Variants in KCNK9 observed in about 807,000 individuals in gnomAD.
KCNK9 encodes the protein potassium two pore domain channel subfamily K member 9, also known as potassium channel subfamily K member 9.
In KCNK9, 1 loss-of-function variant was observed where a neutral mutation model predicts 10.8. The observed-to-expected ratio is 0.09, with a 90% confidence interval of 0.03 to 0.44. The LOEUF is 0.44. KCNK9 is among the 20% of genes least tolerant of loss of function. The pLI is 0.97. For synonymous variants in KCNK9, 231 were observed against 222.7 expected (o/e 1.04, Z -0.33); for missense variants, 303 against 515.0 (o/e 0.59, Z 3.98).
intron 1 of KCNK9, among the ~76,000 whole-genome samples, chr8:139,686,031 C>G (rs535514632): frequency 6.6e-6 from 1 of 152,222 alleles, no homozygotes; most frequent in South Asian, 2.1e-4. Flanking sequence ...CTCTGATGAC[C>G]AGTATTGATG....
At chr8:139,689,713 AC>A (rs1004688403) in intron 1 of KCNK9, among the ~76,000 whole-genome samples, 5 of 146,898 alleles carry the variant, frequency 3.4e-5, no homozygotes, top group African/African-American at 7.6e-5. Context: ...CGTGATCTCG[AC>A]TCACTGCAAG....
intron 1 of KCNK9, among the ~76,000 whole-genome samples, chr8:139,699,094 G>A (rs1409827547): frequency 3.3e-5 from 5 of 152,140 alleles, no homozygotes; most frequent in African/African-American, 9.7e-5. Context: ...ACCTAAGCCC[G>A]ATTTCAAATT....
chr8:139,681,055 C>T (rs988228625), intron 1 of KCNK9, among the ~76,000 whole-genome samples: 2 of 152,232 alleles, frequency 1.3e-5, no homozygotes, highest in African/African-American at 2.4e-5. Flanking sequence ...AGCACAGCAT[C>T]TAGCATGGCA....
chr8:139,639,446 T>C (rs1044167382), intron 1 of KCNK9, among the ~76,000 whole-genome samples: 27 of 152,134 alleles, frequency 1.8e-4, no homozygotes, highest in African/African-American at 6.5e-4. Context: ...GGTAGCTCTC[T>C]CCCTTCTCTG....
At chr8:139,700,870 C>T (rs1817202528) in intron 1 of KCNK9, among the ~76,000 whole-genome samples, 1 of 152,156 alleles carries the variant, frequency 6.6e-6, no homozygotes, top group Non-Finnish European at 1.5e-5. Context: ...TCAGAGTTTG[C>T]TTTTAACACC....
intron 1 of KCNK9, among the ~76,000 whole-genome samples, chr8:139,670,050 G>A (rs1816392424): frequency 6.6e-6 from 1 of 152,170 alleles, no homozygotes; most frequent in South Asian, 2.1e-4. Context: ...TCAATATTGG[G>A]CTTAAAATAT....
At chr8:139,678,078 G>A (rs1816604570) in intron 1 of KCNK9, among the ~76,000 whole-genome samples, 1 of 149,416 alleles carries the variant, frequency 6.7e-6, no homozygotes, top group Non-Finnish European at 1.5e-5. Flanking sequence ...ACTGCAGCTG[G>A]CAGACTTCTG....
downstream of KCNK9, among the ~76,000 whole-genome samples, chr8:139,610,367 T>G (rs1029632524): frequency 6.6e-6 from 1 of 152,200 alleles, no homozygotes; most frequent in Non-Finnish European, 1.5e-5. Flanking sequence ...AAGATCACTG[T>G]TTTTCATGAA....
chr8:139,701,549 A>G (rs1351156099), intron 1 of KCNK9, among the ~76,000 whole-genome samples: 1 of 151,952 alleles, frequency 6.6e-6, no homozygotes, highest in African/African-American at 2.4e-5. Context: ...GGGAGGGGGG[A>G]AGGAGGAGGT....
At chr8:139,645,955 C>G (rs984939434) in intron 1 of KCNK9, among the ~76,000 whole-genome samples, 1 of 152,140 alleles carries the variant, frequency 6.6e-6, no homozygotes, top group Non-Finnish European at 1.5e-5. Flanking sequence ...CCTCCTTAGC[C>G]CAGTGCCCCA....
chr8:139,674,844 T>C (rs1220675396), intron 1 of KCNK9, among the ~76,000 whole-genome samples: 2 of 152,136 alleles, frequency 1.3e-5, no homozygotes, highest in African/African-American at 4.8e-5. Flanking sequence ...AGCACTTCCC[T>C]GAAAGCCACA....
At chr8:139,628,925 G>A (rs1815071885) in intron 1 of KCNK9, among the ~76,000 whole-genome samples, 1 of 152,154 alleles carries the variant, frequency 6.6e-6, no homozygotes, top group African/African-American at 2.4e-5. Context: ...CCGTTGCCTG[G>A]CCCAGGGTTG....
At chr8:139,605,858 A>G (rs530621811) in intron 2 of KCNK9, among the ~76,000 whole-genome samples, 1 of 152,340 alleles carries the variant, frequency 6.6e-6, no homozygotes, top group African/African-American at 2.4e-5. Flanking sequence ...TTTCTTTAAA[A>G]TATTAGGTAA....
downstream of KCNK9, among the ~76,000 whole-genome samples, chr8:139,613,989 G>A (rs1236384867): frequency 2.0e-5 from 3 of 152,268 alleles, no homozygotes; most frequent in East Asian, 3.9e-4. Context: ...CCTGTCATTT[G>A]AAAAAGAATA....
At chr8:139,688,198 A>G (rs1433916594) in intron 1 of KCNK9, among the ~76,000 whole-genome samples, 1 of 152,196 alleles carries the variant, frequency 6.6e-6, no homozygotes, top group Non-Finnish European at 1.5e-5. Flanking sequence ...ATAATGGTTT[A>G]CTTGCTGTAC....
intron 1 of KCNK9, among the ~76,000 whole-genome samples, chr8:139,674,528 A>G (rs989616520): frequency 6.6e-6 from 1 of 152,100 alleles, no homozygotes; most frequent in Non-Finnish European, 1.5e-5. Flanking sequence ...CGGTTCTCCA[A>G]TTTCACAGCT....
At chr8:139,682,941 A>T (rs1259511204) in intron 1 of KCNK9, among the ~76,000 whole-genome samples, 2 of 152,086 alleles carry the variant, frequency 1.3e-5, no homozygotes, top group Non-Finnish European at 2.9e-5. Context: ...GCTGGAAAAC[A>T]AAACTCAAAG....
intron 1 of KCNK9, among the ~76,000 whole-genome samples, chr8:139,661,084 A>G (rs1055281325): frequency 2.6e-5 from 4 of 152,244 alleles, no homozygotes; most frequent in Admixed American, 1.3e-4. Flanking sequence ...GGGGCTGGAC[A>G]TCAGGGCATC....
intron 1 of KCNK9, among the ~76,000 whole-genome samples, chr8:139,675,100 C>A (rs1164476870): frequency 6.6e-6 from 1 of 152,232 alleles, no homozygotes; most frequent in Non-Finnish European, 1.5e-5. Context: ...TCTTCCCAAG[C>A]CTCGGTTATC....
Sources: allele counts gnomAD v4.1 joint callset (sites outside exome capture counted in the v4.1 genomes callset), GRCh38; gene constraint gnomAD v4.1.1; transcripts MANE v1.5; gene names NCBI Gene and HGNC (gene_info 2026-07-23, HGNC 2026-07-21).